FOXK1: variants seen among roughly 807,000 people sequenced by gnomAD.
FOXK1 encodes forkhead box K1.
In FOXK1, 19 loss-of-function variants were observed where a neutral mutation model predicts 51.9. The observed-to-expected ratio is 0.37, with a 90% CI of 0.26 to 0.54. FOXK1 has a LOEUF of 0.54. FOXK1 is among the 20% of genes least tolerant of loss of function. The pLI, the probability that FOXK1 is intolerant of heterozygous loss-of-function variation, is 0.87. For missense variants in FOXK1, 870 were observed against 1,032.7 expected (o/e 0.84, Z 2.16); for synonymous variants, 537 against 482.6 (o/e 1.11, Z -1.48).
intron 1 of FOXK1, among the ~76,000 whole-genome samples, chr7:4,717,073 T>G (rs1780244170): frequency 7.1e-6 from 1 of 140,916 alleles, no homozygotes; most frequent in Non-Finnish European, 1.5e-5. Context: ...GGCGTGTGGC[T>G]GGAATGTGGT....
intron 1 of FOXK1, among the ~76,000 whole-genome samples, chr7:4,705,946 T>TTATA (rs1458577848): frequency 7.5e-6 from 1 of 132,536 alleles, no homozygotes; most frequent in Non-Finnish European, 1.5e-5. Context: ...ACTTTCAAAA[T>TTATA]TATATATATA....
intron 1 of FOXK1, among the ~76,000 whole-genome samples, chr7:4,695,592 A>G (rs1028761988): frequency 2.0e-5 from 3 of 152,090 alleles, no homozygotes; most frequent in Non-Finnish European, 4.4e-5. Context: ...ATCACAGGTC[A>G]GGAGTTCGAC....
intron 1 of FOXK1, among the ~76,000 whole-genome samples, chr7:4,720,121 C>G (rs1483865650): frequency 2.6e-5 from 4 of 152,126 alleles, no homozygotes. Flanking sequence ...AATAGTTTTT[C>G]CCTCATTGGT....
Position 4,735,977 on chromosome 7 carries a change from C to T in FOXK1, c.561-4861C>T, listed in dbSNP as rs1271905642. On this transcript the variant is annotated intron_variant, in intron 1 of 8. Transcript: ENST00000328914. The surrounding 1 kb of genome is among the most constrained non-coding windows in gnomAD (Gnocchi z 4.7). Reference sequence around the variant, plus strand: ...AAGACCAGCCTGGCCAACATGACCCCGTCTCTACTAAAAATACAAAACTTA... The same window carrying T: ...AAGACCAGCCTGGCCAACATGACCCTGTCTCTACTAAAAATACAAAACTTA... 3.3e-5 allele frequency among the ~76,000 whole-genome samples: 5 copies of T among 152,194 alleles called. No homozygotes were observed. The highest frequency in any genetic ancestry group is 3.4e-3 in the Middle Eastern group (1 of 294).
intron 1 of FOXK1, among the ~76,000 whole-genome samples, chr7:4,705,793 CCT>C (rs1395207375): frequency 4.7e-5 from 7 of 150,202 alleles, no homozygotes; most frequent in Non-Finnish European, 8.8e-5. Flanking sequence ...CCCGCCTCAG[CCT>C]CTCAAAGTGG....
chr7:4,727,679 G>A (rs1780398103), intron 1 of FOXK1, among the ~76,000 whole-genome samples: 1 of 152,254 alleles, frequency 6.6e-6, no homozygotes, highest in African/African-American at 2.4e-5. Flanking sequence ...AGGGCGGCCT[G>A]CTGTCCGTCC....
In FOXK1 at chr7:4,757,147, G is replaced by A. The variant is rs1780863352; in HGVS notation, c.1204G>A (p.Val402Ile). ...ATTCCGGAAACGGAGGCAGAGGGGTGTCTCCTGCTTCCGCACCCCCTTCGG... is the reference window on the plus strand; with the variant it reads ...ATTCCGGAAACGGAGGCAGAGGGGTATCTCCTGCTTCCGCACCCCCTTCGG... ...QAFRKRRQRG[V>I]SCFRTPFGPL... The change falls in exon 5 of 9, where the codon GTC becomes ATC. Residue 402 changes from valine (V) to isoleucine (I), a missense_variant. Transcript: ENST00000328914. 1.2e-6 allele frequency: 2 copies of A among 1,612,572 alleles called. No individual in the cohort carries two copies. Among genetic ancestry groups the A allele is most frequent in the Non-Finnish European group, 8.5e-7 (1 of 1,179,784 alleles).
rs1267110971 is a variant in FOXK1, at chr7:4,711,267, G to A, written c.560+28399G>A. On this transcript the variant is annotated intron_variant, in intron 1 of 8. Coordinates refer to ENST00000328914, the MANE Select transcript of FOXK1 (RefSeq NM_001037165.2). This position sits in a 1 kb window ranked among gnomAD's most constrained non-coding sequence, Gnocchi z 6.3. The stretch of plus-strand genomic sequence containing the variant: ...ACCTGGGGGTGTTTTCACAGGGTGG[G>A]AAGGCTGAGTGTCCTGGGAAGCGTC... Among the ~76,000 whole-genome samples, 1 of 152,168 alleles carries A rather than the reference G, an allele frequency of 6.6e-6. No individual in the cohort carries two copies.
chr7:4,690,363 GCTTTATT>G (rs1779876345), intron 1 of FOXK1, among the ~76,000 whole-genome samples: 1 of 152,204 alleles, frequency 6.6e-6, no homozygotes, highest in Non-Finnish European at 1.5e-5. Context: ...CCAAATAAAG[GCTTTATT>G]CTTAGTGTTT....
chr7:4,733,927 G>A lies in FOXK1; in HGVS notation c.561-6911G>A, dbSNP rs1231436624. The stretch of plus-strand genomic sequence containing the variant: ...GGAAGCCACAGGGACCTCCCAGCAC[G>A]CGCCAACCCTGGACTTCCCCCAGAG... On this transcript the variant is annotated intron_variant, in intron 1 of 8. Coordinates refer to ENST00000328914, the MANE Select transcript of FOXK1 (RefSeq NM_001037165.2). This position sits in a 1 kb window ranked among gnomAD's most constrained non-coding sequence, Gnocchi z 5.0. Among the ~76,000 whole-genome samples the A allele has an allele frequency of 1.3e-5, 2 of 152,156 alleles. No homozygotes were observed. The highest frequency in any genetic ancestry group is 4.8e-5 in the African/African-American group (2 of 41,456).
chr7:4,737,250 A>G (rs570673527), intron 1 of FOXK1, among the ~76,000 whole-genome samples: 1 of 152,376 alleles, frequency 6.6e-6, no homozygotes, highest in Admixed American at 6.5e-5. Context: ...CACGACACAG[A>G]AAGTCAGAGG....
intron 2 of FOXK1, among the ~76,000 whole-genome samples, chr7:4,741,423 G>A (rs1780632536): frequency 1.3e-5 from 2 of 152,210 alleles, no homozygotes; most frequent in South Asian, 2.1e-4. Flanking sequence ...CCACCTCCCG[G>A]GTTCAAGGGA....
In FOXK1 at chr7:4,731,365, A is replaced by G. The variant is rs929880802; in HGVS notation, c.561-9473A>G. ...TCCTAAAGACACGTTGCAGCCTGCA[A>G]AATTCGAAAAGTACCTGGAGTATGT... On this transcript the variant is annotated intron_variant, in intron 1 of 8. Transcript: ENST00000328914. This position sits in a 1 kb window ranked among gnomAD's most constrained non-coding sequence, Gnocchi z 5.3. Among the ~76,000 whole-genome samples the G allele has an allele frequency of 3.9e-5, 6 of 152,244 alleles. No individual in the cohort carries two copies. Among genetic ancestry groups the G allele is most frequent in the Admixed American group, 3.3e-4 (5 of 15,290 alleles).
At position 4,735,292 on chromosome 7, in the gene FOXK1, G is replaced by A. The variant is rs145508040; in HGVS notation, c.561-5546G>A. 1.8e-3 allele frequency among the ~76,000 whole-genome samples: 276 copies of A among 152,258 alleles called. No individual in the cohort carries two copies. Among genetic ancestry groups the A allele is most frequent in the Non-Finnish European group, 2.9e-3 (194 of 68,020 alleles). ...CTGGGTGGACCTGGGAAAAACCCAG[G>A]GCTGGAGTAGACCCTCAGTGTGGGA... On this transcript the variant is annotated intron_variant, in intron 1 of 8. Transcript: ENST00000328914. This position sits in a 1 kb window ranked among gnomAD's most constrained non-coding sequence, Gnocchi z 4.7.
At position 4,759,036 on chromosome 7, in the gene FOXK1, T is replaced by C. The variant is rs371829325; in HGVS notation, c.1245-15T>C. The C allele has an allele frequency of 1.2e-4, 194 of 1,576,918 alleles. No homozygotes were observed. The highest frequency in any genetic ancestry group is 1.5e-4 in the Non-Finnish European group (180 of 1,166,124). ...GCGCGGGCGCTGACTGCCGCGGCCC[T>C]TGCCTGTCTTCCAGGAGCGCTCCAG... On this transcript the variant is annotated splice_polypyrimidine_tract_variant and intron_variant, in intron 5 of 8. Transcript: ENST00000328914.
rs1780884590 is a variant in FOXK1, at chr7:4,758,489, T to TG, written c.1245-562_1245-561insG. The TG allele has an allele frequency of 6.6e-6, 1 of 152,480 alleles. No individual in the cohort carries two copies. Among genetic ancestry groups the TG allele is most frequent in the African/African-American group, 2.4e-5 (1 of 41,464 alleles). The allele number at this position is 152,480 out of a possible 1,614,324, so 9.4% of individuals were successfully genotyped here. ...TCGTGCTTCCCATTTCAAAATTCTG[T>TG]TTCCAACACGATTTGATGAAAGATT... On this transcript the variant is annotated intron_variant, in intron 5 of 8. Transcript: ENST00000328914. The surrounding 1 kb of genome is among the most constrained non-coding windows in gnomAD (Gnocchi z 4.4).
In FOXK1 at chr7:4,759,406, G is replaced by A. The variant is rs1460949442; in HGVS notation, c.1507G>A (p.Val503Ile). The A allele has an allele frequency of 1.2e-6, 2 of 1,601,160 alleles. No individual in the cohort carries two copies. The highest frequency in any genetic ancestry group is 1.7e-5 in the Admixed American group (1 of 59,616). Residue 503 changes from valine to isoleucine, a missense_variant, in exon 7 of 9, where the codon GTA becomes ATA. Transcript: ENST00000328914. ...KPVAYMPASI[V>I]TSQQPAGHAI... ...CGTGGCCTACATGCCCGCCTCCATC[G>A]TAACCTCACAGCAGCCCGCGGGCCA...
chr7:4,716,623 A>G (rs888719247), intron 1 of FOXK1, among the ~76,000 whole-genome samples: 1 of 152,220 alleles, frequency 6.6e-6, no homozygotes, highest in Non-Finnish European at 1.5e-5. Context: ...GGGCAGGGCC[A>G]GAGCCTGAGC....
chr7:4,684,788 G>T (rs1364989357), intron 1 of FOXK1, among the ~76,000 whole-genome samples: 1 of 152,122 alleles, frequency 6.6e-6, no homozygotes, highest in Admixed American at 6.5e-5. Flanking sequence ...GCACTCCTGA[G>T]TCAGGCCCAG....
Sources: allele counts gnomAD v4.1 joint callset (sites outside exome capture counted in the v4.1 genomes callset), GRCh38; gene constraint gnomAD v4.1.1; non-coding constraint Gnocchi (gnomAD v3.1); transcripts MANE v1.5; gene names NCBI Gene and HGNC (gene_info 2026-07-23, HGNC 2026-07-21).